Variants in CRYBG3 observed in about 807,000 individuals in gnomAD.
CRYBG3 encodes crystallin beta-gamma domain containing 3.
Under a neutral mutation model 244.2 loss-of-function variants are expected in CRYBG3, and 127 were observed. The ratio of observed to expected loss-of-function variants is 0.52; its 90% CI spans 0.45 to 0.60. The LOEUF (loss-of-function observed/expected upper bound fraction) is 0.60. Among genes scored for constraint, CRYBG3 ranks in the 20% least tolerant of loss-of-function variants. The pLI is 0.00. For synonymous variants in CRYBG3, 1,132 were observed against 1,195.8 expected (o/e 0.95, Z 1.10); for missense variants, 3,325 against 3,442.5 (o/e 0.97, Z 0.85).
Position 97,886,684 on chromosome 3 carries a change from T to C in CRYBG3, c.7206T>C (p.Cys2402=). Reference sequence around the variant, plus strand: ...TCCCACAATCTGACCCAGCCTGTTGTCCTGTCTACATACAGAGAGCAGTCC... The same window carrying C: ...TCCCACAATCTGACCCAGCCTGTTGCCCTGTCTACATACAGAGAGCAGTCC... ...ELFPQSDPAC[C]PVYIQRAVPN... is the part of the protein sequence containing the mutation. Residue 2402 remains cysteine, a synonymous_variant, in exon 8 of 22, where the codon TGT becomes TGC. Transcript: ENST00000389622. The C allele has an allele frequency of 6.2e-7, 1 of 1,612,340 alleles. No individual in the cohort carries two copies. The highest frequency in any genetic ancestry group is 8.5e-7 in the Non-Finnish European group (1 of 1,179,326).
rs1288883694 is a variant in CRYBG3, at chr3:97,874,158, C to T, written c.2964C>T (p.Leu988=). The change falls in exon 4 of 22, where the codon CTC becomes CTT. Residue 988 remains leucine, a synonymous_variant. Coordinates refer to ENST00000389622, the MANE Select transcript of CRYBG3 (RefSeq NM_153605.4). The stretch of plus-strand genomic sequence containing the variant: ...CTGGTCACTCAGAAATGGCGGAACT[C>T]AGCTTAACTAATATTTCCCCTAAAT... ...KISGHSEMAE[L]SLTNISPKFQ... is the part of the protein sequence containing the mutation. 6.5e-7 allele frequency: 1 copy of T among 1,531,862 alleles called. No homozygotes were observed. Among genetic ancestry groups the T allele is most frequent in the Admixed American group, 2.0e-5 (1 of 50,014 alleles). 94.9% of individuals were successfully genotyped at this position (1,531,862 alleles called of 1,614,324 possible). A position where few individuals can be genotyped will look rare whatever the true frequency, so the allele number is the denominator to read the frequency against.
At chr3:97,826,696 C>T (rs2038581475) in intron 1 of CRYBG3, among the ~76,000 whole-genome samples, 2 of 152,164 alleles carry the variant, frequency 1.3e-5, no homozygotes, top group African/African-American at 4.8e-5. Context: ...TCTGTTCAAT[C>T]CATAAGTTAG....
At chr3:97,941,056 C>T in intron 19 of CRYBG3, 92 bp from the exon 20 acceptor site, 1 of 970,248 alleles carries the variant, frequency 1.0e-6, no homozygotes, top group South Asian at 1.6e-5. Context: ...AAGATAGTTA[C>T]CTCTCACTTT....
intron 2 of CRYBG3, among the ~76,000 whole-genome samples, chr3:97,853,493 A>G (rs1185112205): frequency 1.3e-5 from 2 of 151,754 alleles, no homozygotes; most frequent in Non-Finnish European, 2.9e-5. Context: ...TATTTTTGCA[A>G]TTGCGAATTG....
intron 4 of CRYBG3, 22 bp downstream of exon 4, chr3:97,878,059 A>G (rs2039403845): frequency 1.3e-6 from 2 of 1,554,074 alleles, no homozygotes; most frequent in Non-Finnish European, 1.7e-6. Flanking sequence ...TGTTTATTGT[A>G]TTAATAATAG....
rs137953422 is a variant in CRYBG3, at chr3:97,876,541, A to C, written c.5347A>C (p.Lys1783Gln). 1,954 of 1,232,258 alleles carry C rather than the reference A, an allele frequency of 1.6e-3. 7 individuals are homozygous for C. The highest frequency in any genetic ancestry group is 4.7e-3 in the Middle Eastern group (15 of 3,208). 76.3% of individuals were successfully genotyped at this position (1,232,258 alleles called of 1,614,324 possible). ...CGGGAACACTGAAGGGTCTGTGTTGAAAATGGAAGCTACTTACCGAAAGAC... is the reference window on the plus strand; with the variant it reads ...CGGGAACACTGAAGGGTCTGTGTTGCAAATGGAAGCTACTTACCGAAAGAC... ...FTGNTEGSVL[K>Q]MEATYRKTAE... The change falls in exon 4 of 22, where the codon AAA becomes CAA. Residue 1783 changes from lysine to glutamine, a missense_variant. Physicochemically the swap from Lys to Gln is moderately conservative, Grantham distance 53. This residue lies in a region of CRYBG3 where 635 missense variants were observed against 771.7 expected (regional missense o/e 0.82). Coordinates refer to ENST00000389622, the MANE Select transcript of CRYBG3 (RefSeq NM_153605.4).
At chr3:97,935,345 C>T (rs879470194) in intron 18 of CRYBG3, among the ~76,000 whole-genome samples, 14 of 152,020 alleles carry the variant, frequency 9.2e-5, no homozygotes, top group East Asian at 1.9e-4. Context: ...TAAGCCTGTC[C>T]GTGGTCATGC....
chr3:97,832,996 A>T (rs2038675710), intron 1 of CRYBG3, among the ~76,000 whole-genome samples: 1 of 152,254 alleles, frequency 6.6e-6, no homozygotes, highest in Non-Finnish European at 1.5e-5. Context: ...AGAGAAATGC[A>T]AATCAAAACC....
At chr3:97,823,421 T>G (rs1247909946) in intron 1 of CRYBG3, among the ~76,000 whole-genome samples, 1 of 152,182 alleles carries the variant, frequency 6.6e-6, no homozygotes, top group Non-Finnish European at 1.5e-5. Flanking sequence ...GTGATGTGAT[T>G]TTAGTCGTTT....
intron 11 of CRYBG3, among the ~76,000 whole-genome samples, chr3:97,895,700 A>G (rs1045882032): frequency 2.6e-5 from 4 of 152,224 alleles, no homozygotes; most frequent in African/African-American, 9.7e-5. Context: ...GTATCAAGTC[A>G]CACCACAAAC....
chr3:97,893,852 T>C (rs982179565), intron 11 of CRYBG3, among the ~76,000 whole-genome samples: 2 of 152,192 alleles, frequency 1.3e-5, no homozygotes, highest in Non-Finnish European at 2.9e-5. Context: ...TTGTTTAAGA[T>C]CACTCAAGGG....
Position 97,873,544 on chromosome 3 carries a change from G to A in CRYBG3, c.2350G>A (p.Glu784Lys). 1 of 1,535,470 alleles carries A rather than the reference G, an allele frequency of 6.5e-7. No individual in the cohort carries two copies. Among genetic ancestry groups the A allele is most frequent in the Non-Finnish European group, 8.7e-7 (1 of 1,146,808 alleles). The part of the protein sequence containing the change: ...SILSQDPNRV[E>K]LVSSNTKANM... ...TTTATCTCAAGACCCTAATAGAGTA[G>A]AGTTAGTGTCTTCAAACACTAAAGC... is the stretch of plus-strand genomic sequence containing the variant. The change falls in exon 4 of 22, where the codon GAG (glutamate) becomes AAG (lysine). Residue 784 changes from glutamate (E) to lysine (K), a missense_variant. Glu to Lys is a moderately conservative substitution (Grantham distance 56, BLOSUM62 1). Around this residue, in one of 4 missense-constraint regions of CRYBG3, gnomAD observed 1,526 missense variants for 1,443.2 expected, o/e 1.06. Coordinates refer to ENST00000389622, the MANE Select transcript of CRYBG3 (RefSeq NM_153605.4).
At chr3:97,919,760 G>A (rs1318680) in intron 17 of CRYBG3, among the ~76,000 whole-genome samples, 32,425 of 149,910 alleles carry the variant, frequency 0.22, 3,956 homozygotes, top group Middle Eastern at 0.31. Context: ...GGGCGTTGGT[G>A]TAGAGTTCCA....
chr3:97,879,770 T>C, intron 5 of CRYBG3, 22 bp downstream of exon 5: 1 of 1,571,092 alleles, frequency 6.4e-7, no homozygotes, highest in Non-Finnish European at 8.7e-7. Flanking sequence ...TTTCTCAAAC[T>C]AAGATAAAGG....
intron 16 of CRYBG3, among the ~76,000 whole-genome samples, chr3:97,914,754 C>T (rs1035089201): frequency 3.9e-5 from 6 of 152,266 alleles, no homozygotes; most frequent in African/African-American, 1.4e-4. Context: ...ATGCTTATTA[C>T]ATTAGAAGAC....
chr3:97,899,330 C>T, intron 14 of CRYBG3, 67 bp downstream of exon 14: 4 of 1,514,476 alleles, frequency 2.6e-6, no homozygotes, highest in Non-Finnish European at 3.6e-6. Context: ...ATGTGGAAAA[C>T]ACTTTTTAAA....
rs555759566 is a variant in CRYBG3, at chr3:97,843,363, C to T, written c.216+102C>T. 700 of 697,800 alleles carry T rather than the reference C, an allele frequency of 1.0e-3. 1 individual carries two copies. Among genetic ancestry groups the T allele is most frequent in the South Asian group, 2.3e-3 (112 of 49,474 alleles). 43.2% of individuals were successfully genotyped at this position (697,800 alleles called of 1,614,324 possible). A position where few individuals can be genotyped will look rare whatever the true frequency, so the allele number is the denominator to read the frequency against. On this transcript the variant is annotated intron_variant, in intron 2 of 21. Coordinates refer to ENST00000389622, the MANE Select transcript of CRYBG3 (RefSeq NM_153605.4). Reference sequence around the variant, plus strand: ...CTTATTTTACATTTCAAAAAGAACACTGTATAATTACTTTTTGTGGAAATC... The same window carrying T: ...CTTATTTTACATTTCAAAAAGAACATTGTATAATTACTTTTTGTGGAAATC...
Position 97,873,517 on chromosome 3 carries a change from A to C in CRYBG3, c.2323A>C (p.Ile775Leu), listed in dbSNP as rs565526578. ...SGNLSKDCSS[I>L]LSQDPNRVEL... ...AAACCTCTCTAAGGATTGCAGTTCC[A>C]TTTTATCTCAAGACCCTAATAGAGT... Residue 775 changes from isoleucine to leucine, a missense_variant, in exon 4 of 22, where the codon ATT (isoleucine) becomes CTT (leucine). Coordinates refer to ENST00000389622, the MANE Select transcript of CRYBG3 (RefSeq NM_153605.4). 1 of 1,536,002 alleles carries C rather than the reference A, an allele frequency of 6.5e-7. No individual in the cohort carries two copies. Among genetic ancestry groups the C allele is most frequent in the African/African-American group, 1.4e-5 (1 of 73,158 alleles).
At chr3:97,886,895 G>A (rs1052531948) in intron 8 of CRYBG3, 128 bp downstream of exon 8, 44 of 725,684 alleles carry the variant, frequency 6.1e-5, no homozygotes, top group Non-Finnish European at 4.4e-5. Context: ...AAGACTGCAG[G>A]GGTTAAAAGA....
Sources: allele counts gnomAD v4.1 joint callset (sites outside exome capture counted in the v4.1 genomes callset), GRCh38; gene constraint gnomAD v4.1.1; regional missense constraint gnomAD v4.1.1; transcripts MANE v1.5; gene names NCBI Gene and HGNC (gene_info 2026-07-23, HGNC 2026-07-21).